SH3RF1: variants seen among roughly 807,000 people sequenced by gnomAD.
SH3RF1 encodes SH3 domain containing ring finger 1, also known as E3 ubiquitin-protein ligase SH3RF1.
SH3RF1 carries 32 observed loss-of-function variants against 74.0 expected under a neutral mutation model. That is an observed-to-expected ratio of 0.43 (90% confidence interval 0.33 to 0.58). SH3RF1 has a LOEUF of 0.58. SH3RF1 is among the 20% of genes least tolerant of loss of function. SH3RF1 has a pLI of 0.05. For missense variants in SH3RF1, 954 were observed against 1,130.9 expected, an observed-to-expected ratio of 0.84 and a Z score of 2.24; for synonymous variants, 396 against 439.6, an observed-to-expected ratio of 0.90 and a Z score of 1.24.
At chr4:169,205,285 A>G (rs951182686) in intron 2 of SH3RF1, among the ~76,000 whole-genome samples, 3 of 152,232 alleles carry the variant, frequency 2.0e-5, no homozygotes, top group Admixed American at 6.5e-5. Flanking sequence ...TTAGGGTATC[A>G]GAGGACCTAT....
chr4:169,202,988 T>A (rs1421914740), intron 2 of SH3RF1, among the ~76,000 whole-genome samples: 3 of 152,182 alleles, frequency 2.0e-5, no homozygotes, highest in African/African-American at 7.2e-5. Flanking sequence ...GAACACTATT[T>A]GGGATAGACA....
chr4:169,145,799 T>C (rs1245500588), intron 4 of SH3RF1, among the ~76,000 whole-genome samples: 1 of 130,728 alleles, frequency 7.6e-6, no homozygotes, highest in South Asian at 2.6e-4. Context: ...TTATTCTATA[T>C]AAAATATATA....
chr4:169,189,171 C>T (rs1260714785), intron 2 of SH3RF1, among the ~76,000 whole-genome samples: 2 of 152,152 alleles, frequency 1.3e-5, no homozygotes, highest in African/African-American at 4.8e-5. Flanking sequence ...ATTCTATTTC[C>T]GTTGATGCAA....
chr4:169,183,255 G>A (rs1734543589), intron 2 of SH3RF1, among the ~76,000 whole-genome samples: 1 of 152,178 alleles, frequency 6.6e-6, no homozygotes. Flanking sequence ...AGCCGAGATT[G>A]CATCACTGCC....
intron 5 of SH3RF1, among the ~76,000 whole-genome samples, chr4:169,133,398 C>T (rs547819820): frequency 6.6e-6 from 1 of 151,514 alleles, no homozygotes; most frequent in African/African-American, 2.4e-5. Flanking sequence ...TTGCTTGAAC[C>T]TGGGAGGCGA....
chr4:169,212,845 C>T (rs1730402579), intron 2 of SH3RF1, among the ~76,000 whole-genome samples: 1 of 152,200 alleles, frequency 6.6e-6, no homozygotes, highest in Non-Finnish European at 1.5e-5. Flanking sequence ...ATCCTGCGTG[C>T]TCAACTTACT....
At chr4:169,236,433 C>G (rs981934874) in intron 2 of SH3RF1, among the ~76,000 whole-genome samples, 4 of 152,126 alleles carry the variant, frequency 2.6e-5, no homozygotes, top group Non-Finnish European at 5.9e-5. Flanking sequence ...GAGAAATAAG[C>G]CTTTGCTGTA....
At chr4:169,241,409 C>A (rs1352786482) in intron 2 of SH3RF1, among the ~76,000 whole-genome samples, 2 of 152,182 alleles carry the variant, frequency 1.3e-5, no homozygotes, top group Non-Finnish European at 2.9e-5. Flanking sequence ...TGAACTTCAC[C>A]CCCAATTCTG....
chr4:169,219,255 C>G (rs1050737436), intron 2 of SH3RF1, among the ~76,000 whole-genome samples: 1 of 152,110 alleles, frequency 6.6e-6, no homozygotes, highest in African/African-American at 2.4e-5. Flanking sequence ...ACTGGCAACC[C>G]TAAATCATCA....
At chr4:169,208,812 C>G (rs1004670559) in intron 2 of SH3RF1, among the ~76,000 whole-genome samples, 5 of 152,080 alleles carry the variant, frequency 3.3e-5, no homozygotes, top group African/African-American at 7.2e-5. Context: ...CTTTGTAATT[C>G]AAGGGAAAGC....
At chr4:169,256,322 G>A (rs540433057) in intron 2 of SH3RF1, among the ~76,000 whole-genome samples, 50 of 151,764 alleles carry the variant, frequency 3.3e-4, no homozygotes, top group African/African-American at 1.1e-3. Context: ...AGGAAGGGAG[G>A]GAGAAATAGA....
chr4:169,102,837 T>C (rs1479991232), intron 11 of SH3RF1, among the ~76,000 whole-genome samples: 3 of 152,028 alleles, frequency 2.0e-5, no homozygotes, highest in African/African-American at 7.2e-5. Context: ...TCATCCTTTC[T>C]TACTATGAGA....
Position 169,132,520 on chromosome 4 carries a change from G to A in SH3RF1, c.1069-2364C>T, listed in dbSNP as rs539027768. Among the ~76,000 whole-genome samples the A allele has an allele frequency of 5.9e-5, 9 of 152,272 alleles. No homozygotes were observed. The South Asian group carries it at 1.7e-3, about 28-fold the overall frequency. Reference sequence around the variant, plus strand: ...CAAAGTCACCAAAGAATGACTAAACGCAGAAGGACAAAAAGTAGAAGTAAA... The same window carrying A: ...CAAAGTCACCAAAGAATGACTAAACACAGAAGGACAAAAAGTAGAAGTAAA... On this transcript the variant is annotated intron_variant, in intron 5 of 11. Transcript: ENST00000284637.
At chr4:169,186,710 ACAAGT>A (rs1294278044) in intron 2 of SH3RF1, among the ~76,000 whole-genome samples, 7 of 151,132 alleles carry the variant, frequency 4.6e-5, no homozygotes, top group Admixed American at 3.3e-4. Flanking sequence ...CATCCCCATT[ACAAGT>A]CATATTAAGA....
chr4:169,173,328 C>T (rs1475518686), intron 2 of SH3RF1, among the ~76,000 whole-genome samples: 1 of 151,896 alleles, frequency 6.6e-6, no homozygotes, highest in African/African-American at 2.4e-5. Flanking sequence ...GGCACCTTAA[C>T]AAAATATTAA....
At chr4:169,245,212 G>A (rs1011847779) in intron 2 of SH3RF1, among the ~76,000 whole-genome samples, 1 of 152,166 alleles carries the variant, frequency 6.6e-6, no homozygotes. Context: ...CAACTTTAAC[G>A]CTACCAACTA....
At chr4:169,115,109 T>A (rs1733309376) in intron 10 of SH3RF1, among the ~76,000 whole-genome samples, 1 of 152,224 alleles carries the variant, frequency 6.6e-6, no homozygotes, top group Non-Finnish European at 1.5e-5. Context: ...TTCTTTCCAA[T>A]ATAACTTTCC....
intron 2 of SH3RF1, among the ~76,000 whole-genome samples, chr4:169,188,894 T>C (rs1240715510): frequency 6.6e-6 from 1 of 152,200 alleles, no homozygotes; most frequent in Non-Finnish European, 1.5e-5. Flanking sequence ...ACTAAGAAAA[T>C]AGTTTATCAA....
chr4:169,104,323 C>G (rs1213776788), intron 11 of SH3RF1, among the ~76,000 whole-genome samples: 1 of 152,022 alleles, frequency 6.6e-6, no homozygotes, highest in Non-Finnish European at 1.5e-5. Flanking sequence ...GGCTTTGTGA[C>G]CAAGAGAAAG....
Sources: allele counts gnomAD v4.1 joint callset (sites outside exome capture counted in the v4.1 genomes callset), GRCh38; gene constraint gnomAD v4.1.1; transcripts MANE v1.5; gene names NCBI Gene and HGNC (gene_info 2026-07-23, HGNC 2026-07-21).